UNC5C: variants seen among roughly 807,000 people sequenced by gnomAD.
UNC5C encodes netrin receptor UNC5C.
UNC5C carries 47 observed loss-of-function variants against 99.8 expected under a neutral mutation model. The observed-to-expected ratio is 0.47, with a 90% CI of 0.37 to 0.60. The LOEUF (loss-of-function observed/expected upper bound fraction) is 0.60, where lower values mean the gene tolerates loss of function less well. Among genes scored for constraint, UNC5C ranks in the 20% least tolerant of loss-of-function variants. The probability of loss-of-function intolerance (pLI) is 0.00; values close to 1 mark genes in which losing one functional copy is unlikely to be tolerated. For synonymous variants in UNC5C, 487 were observed against 452.2 expected, an observed-to-expected ratio of 1.08 and a Z score of -0.98; for missense variants, 1,062 against 1,165.9, an observed-to-expected ratio of 0.91 and a Z score of 1.30.
chr4:95,344,380 C>A (rs1173194989), intron 1 of UNC5C, among the ~76,000 whole-genome samples: 3 of 152,032 alleles, frequency 2.0e-5, no homozygotes, highest in African/African-American at 4.8e-5. Flanking sequence ...GAAATAAAGA[C>A]TTTCCAGACA....
chr4:95,383,750 T>G (rs947170821), intron 1 of UNC5C, among the ~76,000 whole-genome samples: 9 of 152,166 alleles, frequency 5.9e-5, no homozygotes, highest in African/African-American at 2.2e-4. Context: ...AATATTGCAT[T>G]TGTGATAAAA....
chr4:95,330,153 C>G (rs557342182), intron 2 of UNC5C, among the ~76,000 whole-genome samples: 3 of 152,100 alleles, frequency 2.0e-5, no homozygotes, highest in Non-Finnish European at 4.4e-5. Flanking sequence ...TTCTTGATCT[C>G]TATTTTAATC....
intron 14 of UNC5C, 64 bp from the exon 15 acceptor site, chr4:95,170,396 C>G (rs1736048288): frequency 1.3e-6 from 2 of 1,550,860 alleles, no homozygotes; most frequent in Admixed American, 3.4e-5. Flanking sequence ...CTCTATTGAA[C>G]CAATCAACAT....
intron 1 of UNC5C, among the ~76,000 whole-genome samples, chr4:95,503,292 A>G (rs1292234636): frequency 6.6e-6 from 1 of 152,044 alleles, no homozygotes; most frequent in Non-Finnish European, 1.5e-5. Flanking sequence ...AGGCCCTAGA[A>G]AGTTGCCGGT....
chr4:95,379,830 A>T (rs1745010206), intron 1 of UNC5C, among the ~76,000 whole-genome samples: 1 of 152,164 alleles, frequency 6.6e-6, no homozygotes, highest in South Asian at 2.1e-4. Context: ...GCGCTAAGAT[A>T]CGGAGGTGAC....
chr4:95,394,908 A>G (rs146928593), intron 1 of UNC5C, among the ~76,000 whole-genome samples: 29 of 152,332 alleles, frequency 1.9e-4, no homozygotes, highest in African/African-American at 5.3e-4. Flanking sequence ...ATTAAAAAAT[A>G]ACAAGCCCAT....
intron 4 of UNC5C, among the ~76,000 whole-genome samples, chr4:95,260,967 A>G (rs1349275362): frequency 6.6e-6 from 1 of 152,148 alleles, no homozygotes; most frequent in African/African-American, 2.4e-5. Flanking sequence ...GATGAGAAGA[A>G]TGATGCTCAC....
intron 2 of UNC5C, among the ~76,000 whole-genome samples, chr4:95,332,918 A>G (rs1476082747): frequency 2.6e-5 from 4 of 152,204 alleles, no homozygotes; most frequent in African/African-American, 9.7e-5. Flanking sequence ...AAGGACATGA[A>G]CAGACACCTC....
chr4:95,197,935 G>A (rs1737496531), intron 12 of UNC5C, among the ~76,000 whole-genome samples: 1 of 151,680 alleles, frequency 6.6e-6, no homozygotes, highest in African/African-American at 2.4e-5. Context: ...GACCAGGGGA[G>A]GGTTTTTGGA....
chr4:95,346,086 T>C (rs1192235454), intron 1 of UNC5C, among the ~76,000 whole-genome samples: 2 of 151,386 alleles, frequency 1.3e-5, no homozygotes, highest in African/African-American at 4.8e-5. Context: ...TTCAAGTTTT[T>C]TGAAAAAGGA....
At chr4:95,406,937 A>G (rs1261231398) in intron 1 of UNC5C, among the ~76,000 whole-genome samples, 4 of 152,250 alleles carry the variant, frequency 2.6e-5, no homozygotes, top group African/African-American at 9.6e-5. Flanking sequence ...TTCAGTGGTT[A>G]TAGATGGCAA....
chr4:95,496,876 A>T (rs1433198540), intron 1 of UNC5C, among the ~76,000 whole-genome samples: 1 of 151,728 alleles, frequency 6.6e-6, no homozygotes, highest in African/African-American at 2.4e-5. Flanking sequence ...CCTGAAGTCC[A>T]TGCCTTTGCA....
At chr4:95,333,830 A>G (rs1456053330) in intron 2 of UNC5C, among the ~76,000 whole-genome samples, 1 of 152,134 alleles carries the variant, frequency 6.6e-6, no homozygotes, top group African/African-American at 2.4e-5. Flanking sequence ...AGTTTTTGTT[A>G]TTTCTCTTTC....
intron 7 of UNC5C, among the ~76,000 whole-genome samples, chr4:95,235,192 TAAATTC>T (rs2149375090): frequency 6.6e-6 from 1 of 152,338 alleles, no homozygotes; most frequent in African/African-American, 2.4e-5. Context: ...TGCTAGTTCT[TAAATTC>T]AGAGAGCCAT....
chr4:95,465,121 A>C (rs1411176152), intron 1 of UNC5C, among the ~76,000 whole-genome samples: 1 of 152,186 alleles, frequency 6.6e-6, no homozygotes, highest in Non-Finnish European at 1.5e-5. Context: ...GTTCCAAATG[A>C]ATACCGTATG....
At chr4:95,528,112 T>A (rs910225180) in intron 1 of UNC5C, among the ~76,000 whole-genome samples, 2 of 152,214 alleles carry the variant, frequency 1.3e-5, no homozygotes, top group South Asian at 4.1e-4. Flanking sequence ...AATTAATATA[T>A]ATCTCTTAAC....
At chr4:95,524,557 A>T (rs1003949497) in intron 1 of UNC5C, among the ~76,000 whole-genome samples, 1 of 152,118 alleles carries the variant, frequency 6.6e-6, no homozygotes, top group Non-Finnish European at 1.5e-5. Context: ...AGCTGCCACC[A>T]TATTGGGCCC....
chr4:95,400,119 G>C (rs1321902398), intron 1 of UNC5C, among the ~76,000 whole-genome samples: 2 of 152,166 alleles, frequency 1.3e-5, no homozygotes, highest in Non-Finnish European at 2.9e-5. Flanking sequence ...CACATTCTAA[G>C]CAGGTAATAA....
At chr4:95,248,722 AG>A in intron 5 of UNC5C, 1 of 364,666 alleles carries the variant, frequency 2.7e-6, no homozygotes, top group East Asian at 7.8e-5. Context: ...AGTCAAGGAC[AG>A]ACTTCATATA....
Sources: gnomAD v4.1 joint callset for allele counts (sites outside exome capture counted in the v4.1 genomes callset) on GRCh38, gnomAD v4.1.1 for gene constraint, MANE v1.5 for transcripts, NCBI Gene and HGNC (gene_info 2026-07-23, HGNC 2026-07-21) for gene names.